CLDN16: variants seen among roughly 807,000 people sequenced by gnomAD.
CLDN16 encodes claudin-16.
In CLDN16, 13 loss-of-function variants were observed where a neutral mutation model predicts 24.6. The observed-to-expected ratio is 0.53, with a 90% confidence interval of 0.34 to 0.84. The LOEUF (loss-of-function observed/expected upper bound fraction) is 0.84. Ranked by LOEUF, CLDN16 falls within the 40% of genes least tolerant of loss-of-function variation. CLDN16 has a pLI of 0.01. For synonymous variants in CLDN16, 116 were observed against 106.7 expected, an observed-to-expected ratio of 1.09 and a Z score of -0.54; for missense variants, 298 against 292.7, an observed-to-expected ratio of 1.02 and a Z score of -0.13.
intron 1 of CLDN16, among the ~76,000 whole-genome samples, chr3:190,367,605 G>A (rs144329143): frequency 9.1e-4 from 139 of 151,972 alleles, no homozygotes; most frequent in African/African-American, 3.2e-3. Flanking sequence ...CAGAACATAC[G>A]GTCTGCAAAA....
chr3:190,383,354 C>T (rs551314252), upstream of CLDN16, among the ~76,000 whole-genome samples: 21 of 152,232 alleles, frequency 1.4e-4, no homozygotes, highest in South Asian at 2.3e-3. Flanking sequence ...CTGCTCTGAA[C>T]ACTTGGTGTT....
intron 1 of CLDN16, among the ~76,000 whole-genome samples, chr3:190,328,678 A>AC (rs986843444): frequency 1.3e-5 from 2 of 152,032 alleles, no homozygotes; most frequent in African/African-American, 4.8e-5. Flanking sequence ...TTCTACGTAA[A>AC]AAAAAAAAAC....
intron 2 of CLDN16, among the ~76,000 whole-genome samples, chr3:190,403,981 A>G (rs1262174600): frequency 6.6e-6 from 1 of 152,176 alleles, no homozygotes; most frequent in Non-Finnish European, 1.5e-5. Context: ...AAGAAAATAT[A>G]ATCACTCATA....
intron 1 of CLDN16, among the ~76,000 whole-genome samples, chr3:190,363,570 A>ATATATATC (rs1717951660): frequency 7.7e-6 from 1 of 129,246 alleles, no homozygotes; most frequent in Non-Finnish European, 1.6e-5. Context: ...ATATATATAT[A>ATATATATC]TATATATATA....
chr3:190,378,398 C>T (rs1353642384), intron 3 of CLDN16, among the ~76,000 whole-genome samples: 4 of 151,968 alleles, frequency 2.6e-5, no homozygotes, highest in African/African-American at 9.7e-5. Flanking sequence ...ATATACAGTA[C>T]AATAGAACCT....
At chr3:190,379,437 T>C (rs1718312936) in intron 3 of CLDN16, among the ~76,000 whole-genome samples, 1 of 152,138 alleles carries the variant, frequency 6.6e-6, no homozygotes, top group South Asian at 2.1e-4. Flanking sequence ...TCTTGTTCAC[T>C]GATGAATTTC....
At chr3:190,300,636 G>GA in the CLDN16 span, among the ~76,000 whole-genome samples, 1 of 152,140 alleles carries the variant, frequency 6.6e-6, no homozygotes, top group Non-Finnish European at 1.5e-5. Flanking sequence ...GTCATTTACA[G>GA]AAAAAAGTTT....
the CLDN16 span, among the ~76,000 whole-genome samples, chr3:190,290,538 G>A: frequency 2.6e-5 from 4 of 152,176 alleles, no homozygotes; most frequent in East Asian, 1.9e-4. Flanking sequence ...CACCATTTTC[G>A]TTTCCATAAA....
intron 1 of CLDN16, among the ~76,000 whole-genome samples, chr3:190,389,466 G>T (rs779590984): frequency 3.3e-5 from 5 of 152,064 alleles, no homozygotes; most frequent in Non-Finnish European, 7.4e-5. Flanking sequence ...TCTCAAATTG[G>T]AGTTCCAAAT....
At chr3:190,351,895 C>T (rs1717678819) in intron 1 of CLDN16, among the ~76,000 whole-genome samples, 1 of 151,998 alleles carries the variant, frequency 6.6e-6, no homozygotes. Context: ...TGGAAACATT[C>T]AAGAGTATTC....
chr3:190,321,383 T>A (rs1716917602), upstream of CLDN16, among the ~76,000 whole-genome samples: 1 of 151,920 alleles, frequency 6.6e-6, no homozygotes, highest in Non-Finnish European at 1.5e-5. Context: ...CTCCAAAGAG[T>A]CTTGCAAGGG....
chr3:190,392,596 A>G (rs1718708821), intron 1 of CLDN16, among the ~76,000 whole-genome samples: 1 of 152,138 alleles, frequency 6.6e-6, no homozygotes, highest in South Asian at 2.1e-4. Context: ...ACCCTAAGCG[A>G]GTGGCTCACT....
chr3:190,409,928 T>C lies in CLDN16; in HGVS notation c.600T>C (p.Pro200=). Residue 200 remains proline (P), a synonymous_variant, in exon 5 of 5, where the codon CCT becomes CCC. Coordinates refer to ENST00000264734, the MANE Select transcript of CLDN16 (RefSeq NM_006580.4). ...ATGTTGGACCTGAGAGAAACTATCCTTATTCCTTGAGGAAAGCCTATTCAG... is the reference window on the plus strand; with the variant it reads ...ATGTTGGACCTGAGAGAAACTATCCCTATTCCTTGAGGAAAGCCTATTCAG... ...FKDVGPERNY[P]YSLRKAYSAA... 6.2e-7 allele frequency: 1 copy of C among 1,614,114 alleles called. No homozygotes were observed. Among genetic ancestry groups the C allele is most frequent in the Non-Finnish European group, 8.5e-7 (1 of 1,179,970 alleles).
chr3:190,345,279 G>C (rs944179600), intron 1 of CLDN16, among the ~76,000 whole-genome samples: 5 of 152,030 alleles, frequency 3.3e-5, no homozygotes, highest in African/African-American at 1.2e-4. Flanking sequence ...CAACCTCTTT[G>C]TTCATTTTGT....
the CLDN16 span, among the ~76,000 whole-genome samples, chr3:190,298,681 G>A: frequency 2.6e-5 from 4 of 151,998 alleles, no homozygotes; most frequent in Admixed American, 6.6e-5. Context: ...CAGGTGATCC[G>A]CGCGCCTTGG....
rs79498894 is a variant in CLDN16 at position 190,337,529 on chromosome 3, C to T, written n.121+14868C>T. On this transcript the variant is annotated intron_variant and non_coding_transcript_variant, in intron 1 of 4. Transcript: ENST00000468220. ...AGACAATATGTGGACGATAAGAATG[C>T]GTTCTCCTCTCACCAAAGCTCATAT... Among the ~76,000 whole-genome samples the T allele has an allele frequency of 4.6e-3, 705 of 152,280 alleles. 5 individuals carry two copies. Among genetic ancestry groups the T allele is most frequent in the African/African-American group, 0.016 (673 of 41,574 alleles).
the CLDN16 span, chr3:190,310,070 A>T: frequency 1.0e-6 from 1 of 978,396 alleles, no homozygotes; most frequent in Non-Finnish European, 1.6e-6. Context: ...AAAATTCTTG[A>T]AAGCAAATCT....
At chr3:190,327,334 A>C (rs769585995) in intron 1 of CLDN16, among the ~76,000 whole-genome samples, 1 of 152,224 alleles carries the variant, frequency 6.6e-6, no homozygotes, top group Non-Finnish European at 1.5e-5. Context: ...AATCACAACT[A>C]AAGAATACAG....
In CLDN16 at chr3:190,411,452, A is replaced by G. The variant is rs1405218490; in HGVS notation, c.*1416A>G. On this transcript the variant is annotated 3_prime_UTR_variant, in exon 5 of 5. Coordinates refer to ENST00000264734, the MANE Select transcript of CLDN16 (RefSeq NM_006580.4). ...AAATTTAATTTCCAGTTTTCTAATT[A>G]CTTGTCAGTCACATTAATAACATTA... 2 of 152,150 alleles carry G rather than the reference A, an allele frequency of 1.3e-5. No individual in the cohort carries two copies. The highest frequency in any genetic ancestry group is 2.4e-5 in the African/African-American group (1 of 41,442). 9.4% of individuals were successfully genotyped at this position (152,150 alleles called of 1,614,324 possible). A position where few individuals can be genotyped will look rare whatever the true frequency, so the allele number is the denominator to read the frequency against.
Sources: allele counts gnomAD v4.1 joint callset (sites outside exome capture counted in the v4.1 genomes callset), GRCh38; gene constraint gnomAD v4.1.1; transcripts MANE v1.5; gene names NCBI Gene and HGNC (gene_info 2026-07-23, HGNC 2026-07-21).